Variants in RAB27B observed in about 807,000 individuals in gnomAD.
RAB27B encodes ras-related protein Rab-27B.
Under a neutral mutation model 24.6 loss-of-function variants are expected in RAB27B, and 15 were observed. The observed-to-expected ratio is 0.61, with a 90% CI of 0.41 to 0.94. The LOEUF (loss-of-function observed/expected upper bound fraction) is 0.94, where lower values mean the gene tolerates loss of function less well. Ranked by LOEUF, RAB27B falls within the 40% of genes least tolerant of loss-of-function variation. The probability of loss-of-function intolerance (pLI) is 0.00; values close to 1 mark genes in which losing one functional copy is unlikely to be tolerated. For missense variants in RAB27B, 261 were observed against 266.8 expected (o/e 0.98, Z 0.15); for synonymous variants, 105 against 92.5 (o/e 1.14, Z -0.78).
At chr18:54,829,878 G>T (rs1217639826) in intron 1 of RAB27B, among the ~76,000 whole-genome samples, 1 of 152,160 alleles carries the variant, frequency 6.6e-6, no homozygotes, top group African/African-American at 2.4e-5. Flanking sequence ...GATGGGGTCA[G>T]CCATCCTTGA....
At chr18:54,748,993 A>C (rs1910345061) in intron 2 of RAB27B, among the ~76,000 whole-genome samples, 1 of 151,930 alleles carries the variant, frequency 6.6e-6, no homozygotes, top group African/African-American at 2.4e-5. Flanking sequence ...GAGGGGCAGA[A>C]CACGGGTTGT....
chr18:54,735,569 T>G (rs1467922320), intron 2 of RAB27B, among the ~76,000 whole-genome samples: 2 of 152,188 alleles, frequency 1.3e-5, no homozygotes, highest in Non-Finnish European at 2.9e-5. Context: ...TTGCCCAGGC[T>G]GGAGTACATC....
chr18:54,886,414 A>G (rs1282332346), intron 4 of RAB27B, among the ~76,000 whole-genome samples: 3 of 152,106 alleles, frequency 2.0e-5, no homozygotes, highest in Non-Finnish European at 4.4e-5. Flanking sequence ...TCTTATCACT[A>G]CATATTATGC....
At chr18:54,743,964 G>A (rs1250425860) in intron 2 of RAB27B, among the ~76,000 whole-genome samples, 1 of 152,202 alleles carries the variant, frequency 6.6e-6, no homozygotes, top group Non-Finnish European at 1.5e-5. Flanking sequence ...TGTTAGTGGT[G>A]AAAACCAGTG....
At chr18:54,785,687 C>T (rs11875339) in intron 2 of RAB27B, among the ~76,000 whole-genome samples, 10,143 of 152,118 alleles carry the variant, frequency 0.067, 459 homozygotes, top group African/African-American at 0.11. Context: ...GTTCTATGCT[C>T]AATGCCTAAA....
chr18:54,768,929 G>A (rs1006304582), intron 2 of RAB27B, among the ~76,000 whole-genome samples: 2 of 152,120 alleles, frequency 1.3e-5, no homozygotes, highest in African/African-American at 4.8e-5. Context: ...ATTACAATTC[G>A]AGGTGAGGGT....
chr18:54,881,911 GTTTTGT>G (rs1912941456), intron 3 of RAB27B, among the ~76,000 whole-genome samples: 1 of 152,144 alleles, frequency 6.6e-6, no homozygotes, highest in Non-Finnish European at 1.5e-5. Flanking sequence ...ATAACACACA[GTTTTGT>G]TCTCAAATGA....
chr18:54,832,751 G>A (rs1377112368), intron 1 of RAB27B, among the ~76,000 whole-genome samples: 1 of 152,172 alleles, frequency 6.6e-6, no homozygotes, highest in African/African-American at 2.4e-5. Context: ...TTTTTAGGAT[G>A]AAGGGTGTGG....
chr18:54,882,421 A>G (rs1912962009), intron 3 of RAB27B, among the ~76,000 whole-genome samples: 1 of 152,226 alleles, frequency 6.6e-6, no homozygotes. Context: ...AGTCTAGGGT[A>G]GAATTTGGAT....
chr18:54,764,617 C>T (rs2145057211), intron 2 of RAB27B, among the ~76,000 whole-genome samples: 1 of 152,206 alleles, frequency 6.6e-6, no homozygotes, highest in South Asian at 2.1e-4. Flanking sequence ...GTCATTATTT[C>T]CCAACACAGA....
At chr18:54,888,315 T>C (rs570192613) in intron 5 of RAB27B, among the ~76,000 whole-genome samples, 197 bp downstream of exon 5, 1 of 152,318 alleles carries the variant, frequency 6.6e-6, no homozygotes, top group South Asian at 2.1e-4. Flanking sequence ...ACTGTATACC[T>C]ATAATGTGCT....
chr18:54,847,076 C>T (rs1911369985), intron 1 of RAB27B, among the ~76,000 whole-genome samples: 1 of 152,158 alleles, frequency 6.6e-6, no homozygotes, highest in African/African-American at 2.4e-5. Context: ...GTCTTGAACT[C>T]CTGACCTCAA....
chr18:54,893,008 C>A lies in RAB27B; in HGVS notation c.*3595C>A, dbSNP rs899584213. The A allele has an allele frequency of 6.6e-6, 1 of 151,976 alleles. No homozygotes were observed. Among genetic ancestry groups the A allele is most frequent in the Non-Finnish European group, 1.5e-5 (1 of 67,926 alleles). The allele number at this position is 151,976 out of a possible 1,614,324, so 9.4% of individuals were successfully genotyped here. A position where few individuals can be genotyped will look rare whatever the true frequency, so the allele number is the denominator to read the frequency against. On this transcript the variant is annotated 3_prime_UTR_variant, in exon 6 of 6. Transcript: ENST00000262094. ...TTCTTTAAGCTGCAAATTGAGTACA[C>A]TGGGAATCAACAAATTTGATGAAGC...
intron 2 of RAB27B, among the ~76,000 whole-genome samples, chr18:54,819,635 T>C (rs937144656): frequency 2.6e-5 from 4 of 152,096 alleles, no homozygotes; most frequent in Non-Finnish European, 4.4e-5. Flanking sequence ...ACTTAAAGTA[T>C]AAAACTTACA....
chr18:54,815,516 A>C (rs1352980330), intron 2 of RAB27B, among the ~76,000 whole-genome samples: 1 of 152,226 alleles, frequency 6.6e-6, no homozygotes, highest in Non-Finnish European at 1.5e-5. Flanking sequence ...TGGACTTATC[A>C]AAATCTGTGT....
chr18:54,724,629 G>A (rs1455615224), intron 2 of RAB27B, among the ~76,000 whole-genome samples: 1 of 149,934 alleles, frequency 6.7e-6, no homozygotes. Flanking sequence ...GAACCTGGGA[G>A]ACGAAGGTTG....
At chr18:54,759,937 C>G (rs531873325) in intron 2 of RAB27B, among the ~76,000 whole-genome samples, 1 of 152,178 alleles carries the variant, frequency 6.6e-6, no homozygotes, top group East Asian at 1.9e-4. Flanking sequence ...AAATCCTCTG[C>G]ATTTACCATC....
At chr18:54,817,789 G>A (rs555383901) in intron 2 of RAB27B, among the ~76,000 whole-genome samples, 5 of 151,570 alleles carry the variant, frequency 3.3e-5, no homozygotes, top group Admixed American at 2.0e-4. Context: ...TAGTGTCACC[G>A]TTAAGGACTT....
Position 54,889,457 on chromosome 18 carries a change from A to T in RAB27B, c.*44A>T. The T allele has an allele frequency of 1.3e-6, 2 of 1,511,800 alleles. No individual in the cohort carries two copies. The highest frequency in any genetic ancestry group is 1.8e-6 in the Non-Finnish European group (2 of 1,122,076). 93.6% of individuals were successfully genotyped at this position (1,511,800 alleles called of 1,614,324 possible). A position where few individuals can be genotyped will look rare whatever the true frequency, so the allele number is the denominator to read the frequency against. ...ACATCAAGAACCCCACCAAAATATT[A>T]CTTTTAAAAACAATGACAAACCACA... On this transcript the variant is annotated 3_prime_UTR_variant, in exon 6 of 6. Transcript: ENST00000262094.
Sources: gnomAD v4.1 joint callset for allele counts (sites outside exome capture counted in the v4.1 genomes callset) on GRCh38, gnomAD v4.1.1 for gene constraint, MANE v1.5 for transcripts, NCBI Gene and HGNC (gene_info 2026-07-23, HGNC 2026-07-21) for gene names.